The following BLTP1 variants were observed in gnomAD, a reference collection of about 807,000 sequenced individuals.
BLTP1 encodes bridge-like lipid transfer protein family member 1, also known as fragile site-associated protein.
At chr4:122,327,566 TATTTGCAC>T in the BLTP1 span, among the ~76,000 whole-genome samples, 1 of 151,720 alleles carries the variant, frequency 6.6e-6, no homozygotes, top group African/African-American at 2.4e-5. Context: ...ATTACTCGGC[TATTTGCAC>T]ATTTTTCTTT....
chr4:122,178,159 A>G, the BLTP1 span: 36 of 848,552 alleles, frequency 4.2e-5, no homozygotes, highest in Admixed American at 6.2e-5. Context: ...AAAATATGAT[A>G]TGTTTCTATT....
chr4:122,187,856 G>T, the BLTP1 span: 2 of 1,536,742 alleles, frequency 1.3e-6, no homozygotes, highest in African/African-American at 1.4e-5. Context: ...AGAATAGCAT[G>T]ATATAATATC....
chr4:122,187,740 A>G, the BLTP1 span: 1 of 515,540 alleles, frequency 1.9e-6, no homozygotes, highest in Non-Finnish European at 2.5e-6. Context: ...ACTGGTTTAA[A>G]TTGACCAGTG....
the BLTP1 span, chr4:122,346,781 T>C: frequency 8.6e-4 from 1,374 of 1,605,412 alleles, 6 homozygotes; most frequent in African/African-American, 0.015. Context: ...TATGTAATTT[T>C]AATTTTGGTT....
the BLTP1 span, chr4:122,187,855 T>C: frequency 6.5e-7 from 1 of 1,538,048 alleles, no homozygotes; most frequent in Non-Finnish European, 8.6e-7. Flanking sequence ...CAGAATAGCA[T>C]GATATAATAT....
the BLTP1 span, chr4:122,232,257 AGCCAAAGC>A: frequency 2.6e-6 from 1 of 391,778 alleles, no homozygotes; most frequent in African/African-American, 2.2e-5. Flanking sequence ...ACTATATTAC[AGCCAAAGC>A]GGTAGCCAGT....
At chr4:122,212,033 G>C in the BLTP1 span, 1 of 983,482 alleles carries the variant, frequency 1.0e-6, no homozygotes, top group Non-Finnish European at 1.2e-6. Flanking sequence ...CGAATACCTA[G>C]CTGACAAGGA....
the BLTP1 span, chr4:122,234,726 A>ATTTTT: frequency 6.5e-7 from 1 of 1,532,128 alleles, no homozygotes. Context: ...TTTCTTAATG[A>ATTTTT]TTTTTTTTAT....
At chr4:122,240,198 T>TA in the BLTP1 span, 1 of 1,614,162 alleles carries the variant, frequency 6.2e-7, no homozygotes, top group East Asian at 2.2e-5. Flanking sequence ...TTATCAGACT[T>TA]ACCTTACTCA....
At chr4:122,241,284 G>A in the BLTP1 span, among the ~76,000 whole-genome samples, 1 of 152,148 alleles carries the variant, frequency 6.6e-6, no homozygotes, top group Non-Finnish European at 1.5e-5. Flanking sequence ...CAGCATGCCC[G>A]AGAAATAGTG....
chr4:122,289,766 C>T, the BLTP1 span: 1 of 977,794 alleles, frequency 1.0e-6, no homozygotes, highest in East Asian at 1.1e-4. Context: ...TAAGCCACAT[C>T]CATAAATTGG....
chr4:122,173,391 G>A, the BLTP1 span, among the ~76,000 whole-genome samples: 8 of 152,082 alleles, frequency 5.3e-5, no homozygotes, highest in African/African-American at 1.7e-4. Flanking sequence ...ACATGGTGAG[G>A]GGGCTGAGCT....
the BLTP1 span, chr4:122,336,726 C>G: frequency 1.2e-6 from 1 of 863,714 alleles, no homozygotes; most frequent in African/African-American, 1.8e-5. Context: ...GCAAGAGGTG[C>G]GAACAGGGAA....
At chr4:122,153,917 G>A in the BLTP1 span, 111 of 782,112 alleles carry the variant, frequency 1.4e-4, no homozygotes, top group Middle Eastern at 1.3e-3. Flanking sequence ...AAAGAGTTTC[G>A]TCCTGTTTGT....
At chr4:122,171,910 G>T in the BLTP1 span, 1 of 985,250 alleles carries the variant, frequency 1.0e-6, no homozygotes, top group Non-Finnish European at 1.2e-6. Context: ...TTCCTGGCTT[G>T]TTTAATATTG....
chr4:122,239,484 G>C, the BLTP1 span: 1 of 1,470,196 alleles, frequency 6.8e-7, no homozygotes, highest in Non-Finnish European at 9.2e-7. Context: ...ATGATGTATA[G>C]AAAATGGTAA....
At chr4:122,201,823 TATCC>T in the BLTP1 span, 637 of 956,612 alleles carry the variant, frequency 6.7e-4, no homozygotes, top group Middle Eastern at 1.0e-3. Context: ...TTGCTACATT[TATCC>T]ATCCATCCAT....
the BLTP1 span, chr4:122,255,110 A>G: frequency 4.4e-6 from 7 of 1,591,358 alleles, no homozygotes; most frequent in Admixed American, 1.7e-5. Context: ...CTCTAAATCT[A>G]TTGTTGTTTC....
At chr4:122,317,237 C>A in the BLTP1 span, among the ~76,000 whole-genome samples, 3 of 151,830 alleles carry the variant, frequency 2.0e-5, no homozygotes, top group African/African-American at 4.8e-5. Context: ...GAGGCTGAGG[C>A]AGGAGAATCG....
Sources: allele counts gnomAD v4.1 joint callset (sites outside exome capture counted in the v4.1 genomes callset), GRCh38; gene constraint gnomAD v4.1.1; transcripts MANE v1.5; gene names NCBI Gene and HGNC (gene_info 2026-07-23, HGNC 2026-07-21).